The following L3MBTL4 variants were observed in gnomAD, a reference collection of about 807,000 sequenced individuals.
The protein encoded by L3MBTL4 is lethal(3)malignant brain tumor-like protein 4.
L3MBTL4 carries 70 observed loss-of-function variants against 84.5 expected under a neutral mutation model. The observed-to-expected ratio is 0.83, with a 90% CI of 0.68 to 1.01. L3MBTL4 has a LOEUF of 1.01. L3MBTL4 is among the 50% of genes least tolerant of loss of function. The pLI, the probability that L3MBTL4 is intolerant of heterozygous loss-of-function variation, is 0.00. For missense variants in L3MBTL4, 715 were observed against 754.8 expected (o/e 0.95, Z 0.62); for synonymous variants, 274 against 259.8 (o/e 1.05, Z -0.52).
At chr18:6,341,404 T>C (rs1298924132) in intron 1 of L3MBTL4, among the ~76,000 whole-genome samples, 1 of 151,896 alleles carries the variant, frequency 6.6e-6, no homozygotes, top group East Asian at 1.9e-4. Flanking sequence ...AATGCATATG[T>C]GAAGTTAGAA....
At chr18:6,373,485 T>C (rs897277509) in intron 1 of L3MBTL4, among the ~76,000 whole-genome samples, 11 of 152,272 alleles carry the variant, frequency 7.2e-5, no homozygotes, top group African/African-American at 2.6e-4. Flanking sequence ...CCATGCCTAG[T>C]TCTTCACCAA....
intron 12 of L3MBTL4, among the ~76,000 whole-genome samples, chr18:6,175,063 C>A (rs1338503824): frequency 6.6e-6 from 1 of 151,790 alleles, no homozygotes; most frequent in African/African-American, 2.4e-5. Context: ...GCCAAAAATA[C>A]CAATTTGCAA....
At chr18:6,004,894 G>T (rs960196636) in intron 16 of L3MBTL4, among the ~76,000 whole-genome samples, 1 of 150,506 alleles carries the variant, frequency 6.6e-6, no homozygotes, top group Admixed American at 6.6e-5. Context: ...TTCAGTTTCA[G>T]GTGATGACTA....
chr18:6,302,446 C>T (rs2050383545), intron 3 of L3MBTL4, among the ~76,000 whole-genome samples: 1 of 152,182 alleles, frequency 6.6e-6, no homozygotes, highest in Admixed American at 6.5e-5. Context: ...TGAAAAGAAA[C>T]CATGAATTGT....
intron 16 of L3MBTL4, among the ~76,000 whole-genome samples, chr18:5,975,964 T>C (rs1197035307): frequency 1.3e-5 from 2 of 152,218 alleles, no homozygotes; most frequent in Non-Finnish European, 2.9e-5. Context: ...TCTTCCCTCA[T>C]CACAAGCAGT....
chr18:6,362,192 G>T (rs1948954446), intron 1 of L3MBTL4, among the ~76,000 whole-genome samples: 1 of 108,934 alleles, frequency 9.2e-6, no homozygotes, highest in Non-Finnish European at 1.8e-5. Flanking sequence ...AGGAAGGAAG[G>T]AAGGGAGGGA....
At chr18:6,219,417 A>G (rs2046458027) in intron 10 of L3MBTL4, among the ~76,000 whole-genome samples, 1 of 149,688 alleles carries the variant, frequency 6.7e-6, no homozygotes, top group African/African-American at 2.4e-5. Flanking sequence ...GTCCCACCTC[A>G]TTCCATGCCA....
At chr18:6,329,370 G>C (rs2051903922) in intron 1 of L3MBTL4, among the ~76,000 whole-genome samples, 1 of 151,704 alleles carries the variant, frequency 6.6e-6, no homozygotes, top group Admixed American at 6.6e-5. Context: ...AGCCAGGATG[G>C]TCTCTATCTC....
intron 12 of L3MBTL4, among the ~76,000 whole-genome samples, chr18:6,181,603 T>G (rs2044474920): frequency 6.6e-6 from 1 of 152,110 alleles, no homozygotes; most frequent in South Asian, 2.1e-4. Context: ...GTGCTGGGAT[T>G]ACAGGTGTGA....
chr18:6,348,378 T>C (rs1043126993), intron 1 of L3MBTL4, among the ~76,000 whole-genome samples: 2 of 152,174 alleles, frequency 1.3e-5, no homozygotes, highest in Non-Finnish European at 2.9e-5. Flanking sequence ...AAAGTTCTAA[T>C]AATTACAACA....
chr18:6,349,666 G>A (rs1046380109), intron 1 of L3MBTL4, among the ~76,000 whole-genome samples: 1 of 152,126 alleles, frequency 6.6e-6, no homozygotes, highest in African/African-American at 2.4e-5. Context: ...GCTGCAGTGA[G>A]TTGTGATTGC....
At chr18:6,212,260 A>G (rs192141633) in intron 12 of L3MBTL4, among the ~76,000 whole-genome samples, 128 of 152,320 alleles carry the variant, frequency 8.4e-4, no homozygotes, top group Non-Finnish European at 1.4e-3. Context: ...TCTAAATTTT[A>G]CTAAAATGTA....
At chr18:6,195,475 G>T (rs1035077752) in intron 12 of L3MBTL4, among the ~76,000 whole-genome samples, 12 of 152,174 alleles carry the variant, frequency 7.9e-5, no homozygotes, top group African/African-American at 2.7e-4. Flanking sequence ...GTGGCTCGCG[G>T]AAGCTGCAGG....
At chr18:6,031,720 C>T (rs2055810695) in intron 16 of L3MBTL4, 3 of 985,400 alleles carry the variant, frequency 3.0e-6, no homozygotes, top group Non-Finnish European at 3.6e-6. Context: ...GGCAGAGGAA[C>T]AAGAGATGAA....
rs995373785 is a variant in L3MBTL4 at position 6,114,877 on chromosome 18, C to T, written c.1200-21349G>A. ...AGGATGAGTCAAAGGATACCTGCAA[C>T]GGTGGTGCAGGTTCACTTAGGGGTG... On this transcript the variant is annotated intron_variant, in intron 14 of 18. Coordinates refer to ENST00000317931, the MANE Select transcript of L3MBTL4 (RefSeq NM_001330559.2). Among the ~76,000 whole-genome samples the T allele has an allele frequency of 3.3e-5, 5 of 151,564 alleles. No homozygotes were observed. The East Asian group carries it at 5.8e-4, about 18-fold the overall frequency.
rs1568067363 is a variant in L3MBTL4 at position 6,071,834 on chromosome 18, A to AAAAG, written c.1444+9046_1444+9047insCTTT. On this transcript the variant is annotated intron_variant, in intron 16 of 18. Transcript: ENST00000317931. ...AAGAAAGGAAAGAAAGAAAGAAAGA[A>AAAAG]AGAGAAAGAGAGAGAGGGAGGGAGG... Among the ~76,000 whole-genome samples, 12 of 101,740 alleles carry AAAAG rather than the reference A, an allele frequency of 1.2e-4. No individual in the cohort carries two copies. In the African/African-American group the frequency reaches 1.3e-3, roughly 11 times the overall value. The allele number at this position is 101,740 out of a possible 152,430, so 66.7% of individuals were successfully genotyped here.
intron 3 of L3MBTL4, among the ~76,000 whole-genome samples, chr18:6,304,488 G>T (rs918500470): frequency 6.6e-6 from 1 of 152,234 alleles, no homozygotes; most frequent in Non-Finnish European, 1.5e-5. Context: ...CTAAAATGCA[G>T]ACCTTGATTC....
chr18:6,168,821 A>G (rs183670358), intron 13 of L3MBTL4, among the ~76,000 whole-genome samples: 1 of 152,352 alleles, frequency 6.6e-6, no homozygotes, highest in African/African-American at 2.4e-5. Context: ...GCCAAAATTG[A>G]CAAATGGGAT....
chr18:6,146,380 G>C (rs1401187804), intron 13 of L3MBTL4, among the ~76,000 whole-genome samples: 1 of 152,198 alleles, frequency 6.6e-6, no homozygotes, highest in Non-Finnish European at 1.5e-5. Flanking sequence ...TGGGAACACC[G>C]AGATGTAGAG....
Sources: gnomAD v4.1 joint callset for allele counts (sites outside exome capture counted in the v4.1 genomes callset) on GRCh38, gnomAD v4.1.1 for gene constraint, MANE v1.5 for transcripts, NCBI Gene and HGNC (gene_info 2026-07-23, HGNC 2026-07-21) for gene names.